CEBPZ: variants seen among roughly 807,000 people sequenced by gnomAD.
CEBPZ encodes CCAAT enhancer binding protein zeta, also known as CCAAT/enhancer-binding protein zeta.
In CEBPZ, 78 loss-of-function variants were observed where a neutral mutation model predicts 104.5. The observed-to-expected ratio is 0.75, with a 90% confidence interval of 0.62 to 0.90. The LOEUF (loss-of-function observed/expected upper bound fraction) is 0.90. Ranked by LOEUF, CEBPZ falls within the 40% of genes least tolerant of loss-of-function variation. The pLI, the probability that CEBPZ is intolerant of heterozygous loss-of-function variation, is 0.00. For synonymous variants in CEBPZ, 470 were observed against 427.0 expected, an observed-to-expected ratio of 1.10 and a Z score of -1.24; for missense variants, 1,439 against 1,233.5, an observed-to-expected ratio of 1.17 and a Z score of -2.50.
At chr2:37,207,289 T>A (rs1677571671) in intron 13 of CEBPZ, among the ~76,000 whole-genome samples, 1 of 152,074 alleles carries the variant, frequency 6.6e-6, no homozygotes, top group African/African-American at 2.4e-5. Flanking sequence ...AAACTATACC[T>A]TAGAACAAAT....
rs112454592 is a variant in CEBPZ at position 37,211,899 on chromosome 2, T to C, written c.2744A>G (p.Asp915Gly). ...SMDDEEFAEVDEDGGTFMDVL... is the reference protein window; with the variant it reads ...SMDDEEFAEVGEDGGTFMDVL... ...ATCCATGAATGTTCCTCCATCTTCATCAACTTCAGCAAATTCTTCATCATC... is the reference window on the plus strand; with the variant it reads ...ATCCATGAATGTTCCTCCATCTTCACCAACTTCAGCAAATTCTTCATCATC... The change falls in exon 12 of 16, where the codon GAT (aspartate) becomes GGT (glycine). Residue 915 changes from aspartate (D) to glycine (G), a missense_variant. By Grantham distance (94) the Asp-to-Gly change is moderately conservative (BLOSUM62 -1). Transcript: ENST00000234170. 1 of 1,612,282 alleles carries C rather than the reference T, an allele frequency of 6.2e-7. No individual in the cohort carries two copies.
rs1388624963 is a variant in CEBPZ at position 37,228,335 on chromosome 2, CAAGGCCAT to C, written c.850_857del (p.Met284GlyfsTer27). The C allele has an allele frequency of 6.2e-7, 1 of 1,614,150 alleles. No individual in the cohort carries two copies. Among genetic ancestry groups the C allele is most frequent in the Non-Finnish European group, 8.5e-7 (1 of 1,180,022 alleles). Reference sequence around the variant, plus strand: ...TGATAAGCAACTCTTTGAAAGTATCCAAGGCCATAAGGCACTGCTGTTTGCTGCCCTTC... The same window carrying C: ...TGATAAGCAACTCTTTGAAAGTATCCAAGGCACTGCTGTTTGCTGCCCTTC... On this transcript the variant is annotated frameshift_variant, in exon 2 of 16. Coordinates refer to ENST00000234170, the MANE Select transcript of CEBPZ (RefSeq NM_005760.3). LOFTEE classifies it high-confidence loss of function.
rs780148219 is a variant in CEBPZ at position 37,231,109 on chromosome 2, G to A, written c.156+303C>T. On this transcript the variant is annotated intron_variant, in intron 1 of 15. Coordinates refer to ENST00000234170, the MANE Select transcript of CEBPZ (RefSeq NM_005760.3). ...GTGTTCAAAACACTCATACCACAAG[G>A]TCAGGACCAAGAAAAGCCACTCTCC... Among the ~76,000 whole-genome samples, 43 of 152,264 alleles carry A rather than the reference G, an allele frequency of 2.8e-4. 1 individual carries two copies. The highest frequency in any genetic ancestry group is 8.5e-4 in the Admixed American group (13 of 15,304).
chr2:37,223,292 C>T lies in CEBPZ; in HGVS notation c.1759G>A (p.Val587Met), dbSNP rs370959543. The change falls in exon 3 of 16, where the codon GTG (valine) becomes ATG (methionine). Residue 587 changes from valine to methionine, a missense_variant. By Grantham distance (21) the Val-to-Met change is conservative. Coordinates refer to ENST00000234170, the MANE Select transcript of CEBPZ (RefSeq NM_005760.3). ...CAAGTAACTTGAAGTAACCTCTTCA[C>T]AAAAGCCTTCACCCGGCGCAACACA... ...DIVLRRVKAF[V>M]KRLLQVTCQQ... The T allele has an allele frequency of 1.9e-6, 3 of 1,614,116 alleles. No individual in the cohort carries two copies. Among genetic ancestry groups the T allele is most frequent in the African/African-American group, 1.3e-5 (1 of 75,012 alleles).
chr2:37,224,544 T>C (rs990048981), intron 2 of CEBPZ, among the ~76,000 whole-genome samples: 5 of 150,168 alleles, frequency 3.3e-5, no homozygotes, highest in African/African-American at 1.2e-4. Flanking sequence ...ATTATTCAAT[T>C]TTCTCTCTTT....
At chr2:37,218,614 G>C (rs767393636) in intron 5 of CEBPZ, among the ~76,000 whole-genome samples, 5 of 152,066 alleles carry the variant, frequency 3.3e-5, no homozygotes, top group Non-Finnish European at 5.9e-5. Context: ...TCAAGAATTT[G>C]TAACATTCAG....
At chr2:37,218,316 G>A (rs1373453045) in intron 5 of CEBPZ, among the ~76,000 whole-genome samples, 2 of 152,010 alleles carry the variant, frequency 1.3e-5, no homozygotes, top group East Asian at 1.9e-4. Context: ...GCTTCAGGAC[G>A]AAATATATAG....
At position 37,201,820 on chromosome 2, in the gene CEBPZ, G is replaced by T; in HGVS notation, c.3109C>A (p.His1037Asn). The change falls in exon 16 of 16, where the codon CAT becomes AAT. Residue 1037 changes from histidine (H) to asparagine (N), a missense_variant. Physicochemically the swap from His to Asn is moderately conservative, Grantham distance 68. Transcript: ENST00000234170. ...DAKSIIKKKKHFKKKRIKTTQ... is the reference protein window; with the variant it reads ...DAKSIIKKKKNFKKKRIKTTQ... ...GTTTTAATCCTCTTCTTTTTAAAAT[G>T]TTTCTTTTTCTTGATGATACTTTTT... is the stretch of plus-strand genomic sequence containing the variant. 1 of 1,595,184 alleles carries T rather than the reference G, an allele frequency of 6.3e-7. No homozygotes were observed. Among genetic ancestry groups the T allele is most frequent in the Non-Finnish European group, 8.6e-7 (1 of 1,162,788 alleles).
At chr2:37,221,772 C>T (rs527434084) in intron 4 of CEBPZ, among the ~76,000 whole-genome samples, 19 of 152,282 alleles carry the variant, frequency 1.2e-4, no homozygotes, top group Admixed American at 7.2e-4. Flanking sequence ...GACTGTGAGT[C>T]CCAAAGCAAG....
chr2:37,211,731 T>C, intron 12 of CEBPZ, 112 bp downstream of exon 12: 1 of 717,324 alleles, frequency 1.4e-6, no homozygotes, highest in Middle Eastern at 3.3e-4. Context: ...CTGGCTGACA[T>C]GAGTATTAAT....
intron 3 of CEBPZ, among the ~76,000 whole-genome samples, chr2:37,222,765 G>C (rs1036242013): frequency 6.6e-6 from 1 of 152,202 alleles, no homozygotes; most frequent in East Asian, 1.9e-4. Flanking sequence ...ACACAGTTAA[G>C]TTTTGAGCTA....
intron 1 of CEBPZ, 99 bp from the exon 2 acceptor site, chr2:37,229,135 C>T: frequency 9.1e-7 from 1 of 1,092,966 alleles, no homozygotes; most frequent in South Asian, 2.6e-5. Flanking sequence ...AATTTCGGAA[C>T]TGGAAAAATC....
intron 8 of CEBPZ, chr2:37,215,189 CAG>C (rs3217142): frequency 0.23 from 79,047 of 343,866 alleles, 11,129 homozygotes; most frequent in East Asian, 0.53. Flanking sequence ...ACATAGCTGT[CAG>C]TGCCGTTACA....
intron 5 of CEBPZ, among the ~76,000 whole-genome samples, chr2:37,218,555 C>G (rs1342416967): frequency 6.6e-6 from 1 of 152,160 alleles, no homozygotes; most frequent in Non-Finnish European, 1.5e-5. Flanking sequence ...GCTTTTGGTA[C>G]TTGCTACTTA....
chr2:37,221,785 G>A (rs1185811920), intron 4 of CEBPZ, among the ~76,000 whole-genome samples: 1 of 152,192 alleles, frequency 6.6e-6, no homozygotes, highest in African/African-American at 2.4e-5. Context: ...AAAGCAAGCT[G>A]AAGAAATGGG....
chr2:37,202,644 C>CAAAAAA lies in CEBPZ; in HGVS notation c.3025+134_3025+139dup, dbSNP rs56340587. 1.3e-4 allele frequency: 27 copies of CAAAAAA among 207,680 alleles called. 5 individuals carry two copies. The highest frequency in any genetic ancestry group is 3.6e-4 in the Admixed American group (3 of 8,420). The allele number at this position is 207,680 out of a possible 1,614,324, so 12.9% of individuals were successfully genotyped here. On this transcript the variant is annotated intron_variant, in intron 15 of 15. Transcript: ENST00000234170. ...TGGGCAAGGGAGTGAGACGCTGTCT[C>CAAAAAA]AAAAAAAAAAAAAAAAAAAAAAAAA...
At chr2:37,218,990 T>C (rs1158945814) in intron 5 of CEBPZ, among the ~76,000 whole-genome samples, 2 of 152,224 alleles carry the variant, frequency 1.3e-5, no homozygotes, top group African/African-American at 4.8e-5. Context: ...GAACCACTGA[T>C]TTCATCAGAA....
Position 37,228,964 on chromosome 2 carries a change from C to G in CEBPZ, c.229G>C (p.Asp77His). 2 of 1,603,486 alleles carry G rather than the reference C, an allele frequency of 1.2e-6. No individual in the cohort carries two copies. Among genetic ancestry groups the G allele is most frequent in the Non-Finnish European group, 8.5e-7 (1 of 1,176,924 alleles). The change falls in exon 2 of 16, where the codon GAT (aspartate) becomes CAT (histidine). Residue 77 changes from aspartate (D) to histidine (H), a missense_variant. By Grantham distance (81) the Asp-to-His change is moderately conservative. Transcript: ENST00000234170. ...VIDGGKKGAI[D>H]DLQQGELEAF... ...TCCAATTCACCTTGCTGAAGGTCATCGATTGCTCCTTTTTTGCCTCCATCT... is the reference window on the plus strand; with the variant it reads ...TCCAATTCACCTTGCTGAAGGTCATGGATTGCTCCTTTTTTGCCTCCATCT...
chr2:37,215,051 A>T (rs2148353002), intron 8 of CEBPZ, 99 bp from the exon 9 acceptor site: 1 of 785,310 alleles, frequency 1.3e-6, no homozygotes, highest in African/African-American at 1.7e-5. Flanking sequence ...TAATTCTAAA[A>T]ATCTCAGAAT....
Sources: gnomAD v4.1 joint callset for allele counts (sites outside exome capture counted in the v4.1 genomes callset) on GRCh38, gnomAD v4.1.1 for gene constraint, MANE v1.5 for transcripts, NCBI Gene and HGNC (gene_info 2026-07-23, HGNC 2026-07-21) for gene names.